FLNB: variants seen among roughly 807,000 people sequenced by gnomAD.
FLNB encodes the protein filamin-B.
In FLNB, 111 loss-of-function variants were observed where a neutral mutation model predicts 250.6. That is an observed-to-expected ratio of 0.44 (90% CI 0.38 to 0.52). FLNB has a LOEUF of 0.52. FLNB is among the 20% of genes least tolerant of loss of function. FLNB has a pLI of 0.00. For synonymous variants in FLNB, 1,302 were observed against 1,372.1 expected (o/e 0.95, Z 1.13); for missense variants, 2,869 against 3,447.8 (o/e 0.83, Z 4.20).
intron 29 of FLNB, among the ~76,000 whole-genome samples, chr3:58,140,562 G>A (rs1487617772): frequency 1.3e-5 from 2 of 152,198 alleles, no homozygotes; most frequent in African/African-American, 4.8e-5. Context: ...AGAGGGTGTT[G>A]AGAGGGGTTC....
At chr3:58,062,749 G>A (rs1336428966) in intron 1 of FLNB, among the ~76,000 whole-genome samples, 3 of 152,140 alleles carry the variant, frequency 2.0e-5, no homozygotes, top group African/African-American at 4.8e-5. Flanking sequence ...TGTCCCATTA[G>A]GGACCCAGCT....
At chr3:58,052,540 A>G (rs13314263) in intron 1 of FLNB, among the ~76,000 whole-genome samples, 8,684 of 152,232 alleles carry the variant, frequency 0.057, 790 homozygotes, top group African/African-American at 0.2. Flanking sequence ...CAGAAAAACC[A>G]GACTGACTTC....
intron 24 of FLNB, among the ~76,000 whole-genome samples, chr3:58,128,086 C>T (rs1472127889): frequency 2.6e-5 from 4 of 152,178 alleles, no homozygotes; most frequent in Admixed American, 1.3e-4. Flanking sequence ...GAAAGAGCCT[C>T]AGCGGGGTCT....
At position 58,169,815 on chromosome 3, in the gene FLNB, A is replaced by AT; in HGVS notation, c.7621+22_7621+23insT. On this transcript the variant is annotated intron_variant, in intron 45 of 45. Coordinates refer to ENST00000295956, the MANE Select transcript of FLNB (RefSeq NM_001457.4). The surrounding 1 kb of genome is among the most constrained non-coding windows in gnomAD (Gnocchi z 4.8). ...GCTGGTAGGTGTCTGGGCCTTTTCA[A>AT]GGGTGGGGTGGGGCAGGGGCAGGCT... is the stretch of plus-strand genomic sequence containing the variant. The AT allele has an allele frequency of 1.0e-5, 7 of 688,168 alleles. No individual in the cohort carries two copies. The highest frequency in any genetic ancestry group is 4.4e-5 in the East Asian group (1 of 22,646). The allele number at this position is 688,168 out of a possible 1,614,324, so 42.6% of individuals were successfully genotyped here.
At chr3:58,085,881 C>G (rs188962317) in intron 4 of FLNB, among the ~76,000 whole-genome samples, 16 of 152,140 alleles carry the variant, frequency 1.1e-4, no homozygotes, top group Non-Finnish European at 1.6e-4. Flanking sequence ...CACGGGTGAC[C>G]AACCCAAGCC....
intron 5 of FLNB, 127 bp downstream of exon 5, chr3:58,095,081 A>T (rs756510662): frequency 2.4e-4 from 192 of 803,302 alleles, no homozygotes; most frequent in Middle Eastern, 1.6e-3. Flanking sequence ...TACCAAAAGG[A>T]TACTGAGGCT....
intron 26 of FLNB, among the ~76,000 whole-genome samples, chr3:58,133,614 C>G (rs1039470270): frequency 1.3e-5 from 2 of 151,882 alleles, no homozygotes; most frequent in Non-Finnish European, 2.9e-5. Flanking sequence ...AAAAGCATTT[C>G]CAAAAGGTTT....
intron 3 of FLNB, among the ~76,000 whole-genome samples, chr3:58,079,223 C>A (rs544623143): frequency 2.0e-5 from 3 of 151,854 alleles, no homozygotes; most frequent in African/African-American, 4.8e-5. Context: ...TAATTTTAAT[C>A]CAATAGCTTA....
At position 58,125,696 on chromosome 3, in the gene FLNB, G is replaced by T; in HGVS notation, c.4014G>T (p.Leu1338Phe). The T allele has an allele frequency of 6.2e-7, 1 of 1,614,172 alleles. No individual in the cohort carries two copies. The highest frequency in any genetic ancestry group is 8.5e-7 in the Non-Finnish European group (1 of 1,180,026). The change falls in exon 23 of 46, where the codon TTG (leucine) becomes TTT (phenylalanine). Residue 1338 changes from leucine to phenylalanine, a missense_variant. By Grantham distance (22) the Leu-to-Phe change is conservative. Transcript: ENST00000295956. ...PSRVQAQGPG[L>F]KEAFTNKPNV... is the part of the protein sequence containing the mutation. ...GGGTGCAAGCCCAAGGACCTGGATT[G>T]AAAGAGGCCTTTACCAACAAGCCCA...
At chr3:58,072,855 C>T (rs1264927030) in intron 1 of FLNB, among the ~76,000 whole-genome samples, 1 of 152,114 alleles carries the variant, frequency 6.6e-6, no homozygotes, top group Non-Finnish European at 1.5e-5. Context: ...ATCATATTTC[C>T]CCCAAAATCT....
At chr3:58,061,516 C>T (rs1718469) in intron 1 of FLNB, among the ~76,000 whole-genome samples, 28,490 of 151,602 alleles carry the variant, frequency 0.19, 3,342 homozygotes, top group East Asian at 0.53. Flanking sequence ...TGCTTGAGCC[C>T]GGGAGTTTAA....
intron 43 of FLNB, chr3:58,165,074 A>G (rs1038452213): frequency 1.3e-5 from 2 of 152,290 alleles, no homozygotes; most frequent in Non-Finnish European, 2.9e-5. Flanking sequence ...GGCCCTGACA[A>G]GGTACTCACC....
intron 38 of FLNB, 143 bp downstream of exon 38, chr3:58,150,370 A>G (rs2097342903): frequency 7.9e-6 from 7 of 884,770 alleles, no homozygotes; most frequent in Non-Finnish European, 7.4e-6. Flanking sequence ...ACTTCATTTC[A>G]TTATGTTCTT....
chr3:58,043,395 G>A (rs765063817), intron 1 of FLNB, among the ~76,000 whole-genome samples: 6 of 152,070 alleles, frequency 3.9e-5, no homozygotes, highest in Non-Finnish European at 7.4e-5. Context: ...ACTCACTTGA[G>A]CTGGCTTAAG....
Position 58,171,639 on chromosome 3 carries a change from TA to T in FLNB, c.*880del, listed in dbSNP as rs779871346. 15 of 152,208 alleles carry T rather than the reference TA, an allele frequency of 9.9e-5. No homozygotes were observed. Among genetic ancestry groups the T allele is most frequent in the Middle Eastern group, 3.2e-3 (1 of 316 alleles). The allele number at this position is 152,208 out of a possible 1,614,324, so 9.4% of individuals were successfully genotyped here. On this transcript the variant is annotated 3_prime_UTR_variant, in exon 46 of 46. Coordinates refer to ENST00000295956, the MANE Select transcript of FLNB (RefSeq NM_001457.4). The surrounding 1 kb of genome is among the most constrained non-coding windows in gnomAD (Gnocchi z 5.5). ...GCCTGGGCAGTCTTACCAAAATGTT[TA>T]AAGTGATCTCAGAGGGGCCCATGGA... is the stretch of plus-strand genomic sequence containing the variant.
At chr3:58,112,404 G>A in intron 18 of FLNB, 86 bp downstream of exon 18, 2 of 1,365,234 alleles carry the variant, frequency 1.5e-6, no homozygotes, top group Non-Finnish European at 2.1e-6. Context: ...GGACACCAAG[G>A]GGTGTGAGAG....
At chr3:58,026,959 A>G (rs897048829) in intron 1 of FLNB, among the ~76,000 whole-genome samples, 9 of 152,168 alleles carry the variant, frequency 5.9e-5, no homozygotes, top group Admixed American at 5.9e-4. Flanking sequence ...TGGGGCAAAA[A>G]TTTAAAACAC....
At chr3:58,168,344 G>A (rs2107339225) in intron 43 of FLNB, 96 bp from the exon 44 acceptor site, 1 of 935,370 alleles carries the variant, frequency 1.1e-6, no homozygotes, top group Admixed American at 2.0e-5. Flanking sequence ...TGAGCCCTCT[G>A]TAAGGGGATC....
At chr3:58,150,275 C>T in intron 38 of FLNB, 48 bp downstream of exon 38, 1 of 1,612,918 alleles carries the variant, frequency 6.2e-7, no homozygotes, top group Non-Finnish European at 8.5e-7. Flanking sequence ...CTCCAGCCTT[C>T]AGGGCAGTGG....
Sources: allele counts gnomAD v4.1 joint callset (sites outside exome capture counted in the v4.1 genomes callset), GRCh38; gene constraint gnomAD v4.1.1; non-coding constraint Gnocchi (gnomAD v3.1); transcripts MANE v1.5; gene names NCBI Gene and HGNC (gene_info 2026-07-23, HGNC 2026-07-21).